MACF1: variants seen among roughly 807,000 people sequenced by gnomAD.
MACF1 encodes microtubule-actin cross-linking factor 1.
In MACF1, 193 loss-of-function variants were observed where a neutral mutation model predicts 854.8. The ratio of observed to expected loss-of-function variants is 0.23; its 90% CI spans 0.20 to 0.25. The LOEUF is 0.25. Ranked by LOEUF, MACF1 falls within the 10% of genes least tolerant of loss-of-function variation. The pLI is 1.00. For missense variants in MACF1, 7,722 were observed against 8,929.1 expected (o/e 0.86, Z 5.45); for synonymous variants, 3,185 against 3,226.7 (o/e 0.99, Z 0.44).
chr1:39,211,091 C>T (rs1194709117), intron 1 of MACF1, among the ~76,000 whole-genome samples: 1 of 151,986 alleles, frequency 6.6e-6, no homozygotes, highest in Non-Finnish European at 1.5e-5. Flanking sequence ...CTCAGCCTCC[C>T]GAGTAGCTGG....
Position 39,204,879 on chromosome 1 carries a change from T to C in MACF1, c.-144T>C, listed in dbSNP as rs1644432507. 3 of 612,248 alleles carry C rather than the reference T, an allele frequency of 4.9e-6. No individual in the cohort carries two copies. In the East Asian group the frequency reaches 8.2e-5, roughly 17 times the overall value. 37.9% of individuals were successfully genotyped at this position (612,248 alleles called of 1,614,324 possible). ...GTCAGAAGTGAGATGGAGGAGAAGC[T>C]GCCAGGAAGTTTCTGACAACACTAA... On this transcript the variant is annotated 5_prime_UTR_variant, in exon 1 of 101. Coordinates refer to ENST00000564288, the MANE Select transcript of MACF1 (RefSeq NM_001394062.1).
chr1:39,395,264 T>C (rs2148583562), intron 58 of MACF1, among the ~76,000 whole-genome samples: 1 of 152,298 alleles, frequency 6.6e-6, no homozygotes, highest in Non-Finnish European at 1.5e-5. Context: ...TACCCTCTGT[T>C]GAGAACTATA....
At position 39,292,880 on chromosome 1, in the gene MACF1, G is replaced by A. The variant is rs868266873; in HGVS notation, c.1992+37G>A. 20 of 1,547,668 alleles carry A rather than the reference G, an allele frequency of 1.3e-5. No homozygotes were observed. In the Middle Eastern group the frequency reaches 2.7e-3, roughly 209 times the overall value. On this transcript the variant is annotated intron_variant, in intron 17 of 100. Coordinates refer to ENST00000564288, the MANE Select transcript of MACF1 (RefSeq NM_001394062.1). ...CCGATTCTCTTACATTCTGCTCATA[G>A]AGTCTGGTTCCCCCCAATCAACTCT...
chr1:39,265,055 A>C (rs1446645096), intron 6 of MACF1, among the ~76,000 whole-genome samples: 1 of 152,148 alleles, frequency 6.6e-6, no homozygotes, highest in Admixed American at 6.5e-5. Flanking sequence ...AGATACTATA[A>C]ACTCTTTATA....
chr1:39,308,899 G>T (rs1376983353), intron 23 of MACF1, among the ~76,000 whole-genome samples: 1 of 151,994 alleles, frequency 6.6e-6, no homozygotes, highest in African/African-American at 2.4e-5. Context: ...CAGGTGATCT[G>T]CCCGCCTCAG....
chr1:39,465,476 G>A (rs980856292), intron 95 of MACF1, among the ~76,000 whole-genome samples: 1 of 152,098 alleles, frequency 6.6e-6, no homozygotes, highest in African/African-American at 2.4e-5. Flanking sequence ...TGTAATGTAT[G>A]GTAAGTCAAT....
chr1:39,202,694 C>A (rs1034208783), upstream of MACF1, among the ~76,000 whole-genome samples: 1 of 151,774 alleles, frequency 6.6e-6, no homozygotes, highest in African/African-American at 2.4e-5. Context: ...CTCTTCGTCT[C>A]CTTTAGTATT....
intron 2 of MACF1, among the ~76,000 whole-genome samples, chr1:39,171,899 T>G (rs1271271819): frequency 6.6e-6 from 1 of 152,272 alleles, no homozygotes; most frequent in Non-Finnish European, 1.5e-5. Flanking sequence ...GTGCTGGGAT[T>G]ATAGGCGTGA....
At position 39,331,463 on chromosome 1, in the gene MACF1, T is replaced by C. The variant is rs1035013578; in HGVS notation, c.4875T>C (p.Leu1625=). ...LQDALALISR[L]TESRGPLSVV... is the part of the protein sequence containing the mutation. ...ATGCCCTGGCCTTAATAAGCAGGCT[T>C]ACTGAGAGCAGAGGCCCTCTTTCTG... The change falls in exon 37 of 101, where the codon CTT becomes CTC. Residue 1625 remains leucine, a synonymous_variant. Coordinates refer to ENST00000564288, the MANE Select transcript of MACF1 (RefSeq NM_001394062.1). The C allele has an allele frequency of 6.2e-7, 1 of 1,614,052 alleles. No homozygotes were observed. The highest frequency in any genetic ancestry group is 1.3e-5 in the African/African-American group (1 of 74,916).
chr1:39,335,231 G>A lies in MACF1; in HGVS notation c.8643G>A (p.Val2881=). The part of the protein sequence containing the change: ...HNLKGKSLGQ[V]SLTHPYSECD... ...TTAAAGGTAAATCCTTGGGCCAAGT[G>A]TCATTGACACACCCTTACTCTGAAT... The change falls in exon 37 of 101, where the codon GTG becomes GTA. Residue 2881 remains valine, a synonymous_variant. Transcript: ENST00000564288. 2 of 1,614,018 alleles carry A rather than the reference G, an allele frequency of 1.2e-6. No individual in the cohort carries two copies. Among genetic ancestry groups the A allele is most frequent in the Non-Finnish European group, 1.7e-6 (2 of 1,179,942 alleles).
intron 93 of MACF1, among the ~76,000 whole-genome samples, chr1:39,463,037 G>C (rs1184293580): frequency 6.6e-6 from 1 of 152,216 alleles, no homozygotes; most frequent in African/African-American, 2.4e-5. Context: ...CTCTGAAGGA[G>C]TTTTGAAGCA....
intron 30 of MACF1, among the ~76,000 whole-genome samples, chr1:39,318,877 T>G (rs190378006): frequency 1.3e-5 from 2 of 149,924 alleles, no homozygotes. Flanking sequence ...CTTTATTTTG[T>G]TTTTTTTTAT....
intron 56 of MACF1, among the ~76,000 whole-genome samples, chr1:39,384,857 G>A (rs1212998111): frequency 6.6e-6 from 1 of 152,148 alleles, no homozygotes; most frequent in Non-Finnish European, 1.5e-5. Context: ...GCCGTGTCTG[G>A]CCTTAGTAAC....
rs768409534 is a variant in MACF1, at chr1:39,333,392, A to G, written c.6804A>G (p.Glu2268=). ...EKTDEEDSGR[E]IFLSCSHPLE... is the part of the protein sequence containing the mutation. ...CCGATGAGGAAGATAGTGGCAGGGA[A>G]ATTTTTCTGTCATGCAGTCATCCAT... Residue 2268 remains glutamate, a synonymous_variant, in exon 37 of 101, where the codon GAA becomes GAG. Transcript: ENST00000564288. 5 of 1,613,878 alleles carry G rather than the reference A, an allele frequency of 3.1e-6. No homozygotes were observed. In the East Asian group the frequency reaches 1.1e-4, roughly 36 times the overall value.
intron 2 of MACF1, among the ~76,000 whole-genome samples, chr1:39,127,506 A>T (rs1642890199): frequency 6.6e-6 from 1 of 152,230 alleles, no homozygotes; most frequent in South Asian, 2.1e-4. Flanking sequence ...AGTGGGTCTC[A>T]GCCAGTGAAA....
intron 2 of MACF1, among the ~76,000 whole-genome samples, chr1:39,130,618 A>G (rs928381211): frequency 2.0e-5 from 3 of 152,248 alleles, no homozygotes; most frequent in South Asian, 2.1e-4. Flanking sequence ...GTTCTCTTCT[A>G]TTGTGGAGAT....
intron 99 of MACF1, among the ~76,000 whole-genome samples, chr1:39,483,547 A>G (rs1288007210): frequency 6.6e-6 from 1 of 152,190 alleles, no homozygotes. Flanking sequence ...GTGGAACAGC[A>G]AGGAAGCTAG....
chr1:39,388,473 A>G lies in MACF1; in HGVS notation c.15631A>G (p.Lys5211Glu). The change falls in exon 58 of 101, where the codon AAA becomes GAA. Residue 5211 changes from lysine to glutamate, a missense_variant. Lys to Glu is a moderately conservative substitution (Grantham distance 56). This residue lies in a region of MACF1 where 2,807 missense variants were observed against 3,235.8 expected (regional missense o/e 0.87). Transcript: ENST00000564288. ...ELEALNKQCGKLTERGKARQE... is the reference protein window; with the variant it reads ...ELEALNKQCGELTERGKARQE... ...AGAAGCCCTGAACAAACAGTGTGGC[A>G]AACTGACAGAGAGGGGGAAAGCTCG... is the stretch of plus-strand genomic sequence containing the variant. 1 of 1,614,212 alleles carries G rather than the reference A, an allele frequency of 6.2e-7. No homozygotes were observed. Among genetic ancestry groups the G allele is most frequent in the Non-Finnish European group, 8.5e-7 (1 of 1,180,034 alleles).
At chr1:39,452,964 A>T (rs1644366488) in intron 87 of MACF1, 152 bp downstream of exon 87, 1 of 802,148 alleles carries the variant, frequency 1.2e-6, no homozygotes, top group Non-Finnish European at 1.9e-6. Context: ...TTTAGCAGGA[A>T]TGAAAGGGAA....
Sources: gnomAD v4.1 joint callset for allele counts (sites outside exome capture counted in the v4.1 genomes callset) on GRCh38, gnomAD v4.1.1 for gene constraint, gnomAD v4.1.1 regional missense constraint, MANE v1.5 for transcripts, NCBI Gene and HGNC (gene_info 2026-07-23, HGNC 2026-07-21) for gene names.